The following TTC19 variants were observed in gnomAD, a reference collection of about 807,000 sequenced individuals.
The protein encoded by TTC19 is tetratricopeptide repeat domain 19.
A neutral mutation model predicts 49.5 loss-of-function variants in TTC19; 38 were observed. That is an observed-to-expected ratio of 0.77 (90% CI 0.59 to 1.01). TTC19 has a LOEUF of 1.01. TTC19 is among the 50% of genes least tolerant of loss of function. The pLI is 0.00. For synonymous variants in TTC19, 204 were observed against 185.2 expected (o/e 1.10, Z -0.83); for missense variants, 475 against 477.7 (o/e 0.99, Z 0.05).
intron 9 of TTC19, 101 bp from the exon 10 acceptor site, chr17:16,027,273 A>C: frequency 1.4e-6 from 2 of 1,385,368 alleles, no homozygotes; most frequent in South Asian, 2.4e-5. Context: ...TCATAAGCAC[A>C]CAGTAAATTA....
downstream of TTC19, among the ~76,000 whole-genome samples, chr17:16,032,863 C>T (rs929863434): frequency 1.1e-4 from 17 of 152,138 alleles, no homozygotes; most frequent in African/African-American, 2.9e-4. Context: ...AGTTCTCAGA[C>T]GACAATGGAC....
rs568834967 is a variant in TTC19 at position 16,017,535 on chromosome 17, G to T, written c.677-7482G>T. ...AGCACTTTGGGAGGCTGAGGCAGGTGGATCGCCTGAGGTCAGGAGTTCAAG... is the reference window on the plus strand; with the variant it reads ...AGCACTTTGGGAGGCTGAGGCAGGTTGATCGCCTGAGGTCAGGAGTTCAAG... On this transcript the variant is annotated intron_variant, in intron 7 of 9. Transcript: ENST00000261647. 2.0e-3 allele frequency among the ~76,000 whole-genome samples: 305 copies of T among 151,782 alleles called. 3 individuals carry two copies. The highest frequency in any genetic ancestry group is 7.0e-3 in the African/African-American group (290 of 41,348).
rs555489620 is a variant in TTC19 at position 16,035,316 on chromosome 17, C to G, written c.247+8614C>G. 1.8e-3 allele frequency among the ~76,000 whole-genome samples: 270 copies of G among 152,240 alleles called. No homozygotes were observed. The South Asian group carries it at 0.019, about 11-fold the overall frequency. On this transcript the variant is annotated intron_variant, in intron 2 of 2. Coordinates refer to the TTC19 transcript ENST00000470649. Reference sequence around the variant, plus strand: ...TCAAAATTGGAGTTGATCCCTCAAACCCTTCTTTATTAACTGGGTTTATGT... The same window carrying G: ...TCAAAATTGGAGTTGATCCCTCAAAGCCTTCTTTATTAACTGGGTTTATGT...
At position 16,026,654 on chromosome 17, in the gene TTC19, G is replaced by T; in HGVS notation, c.946G>T (p.Glu316Ter). The change falls in exon 9 of 10, where the codon GAG becomes TAG. Residue 316 changes from glutamate to a stop codon, truncating the protein, a stop_gained. Coordinates refer to ENST00000261647, the MANE Select transcript of TTC19 (RefSeq NM_017775.4). LOFTEE classifies it high-confidence loss of function. Reference sequence around the variant, plus strand: ...TCTGGCAAGACAGATAAATCATCCTGAGCTACACATGGTACTCAGTAATCT... The same window carrying T: ...TCTGGCAAGACAGATAAATCATCCTTAGCTACACATGGTACTCAGTAATCT... ...SDLARQINHP[E>*]LHMVLSNLAA... 1 of 1,614,144 alleles carries T rather than the reference G, an allele frequency of 6.2e-7. No homozygotes were observed. Among genetic ancestry groups the T allele is most frequent in the Non-Finnish European group, 8.5e-7 (1 of 1,180,016 alleles).
chr17:16,033,948 A>C (rs1177128646), downstream of TTC19, among the ~76,000 whole-genome samples: 1 of 152,082 alleles, frequency 6.6e-6, no homozygotes, highest in East Asian at 1.9e-4. Context: ...TGCCCGCCTC[A>C]GCCTCCCAAA....
rs1971682137 is a variant in TTC19 at position 16,028,715 on chromosome 17, A to G, written c.*1193A>G. ...TGGGGGTGGGATGTGAGTGGGACTG[A>G]TAAACTGATACTTTTGGTTCGTATG... On this transcript the variant is annotated 3_prime_UTR_variant, in exon 10 of 10. Transcript: ENST00000261647. 2.2e-6 allele frequency: 1 copy of G among 451,146 alleles called. No homozygotes were observed. The allele number at this position is 451,146 out of a possible 1,614,324, so 27.9% of individuals were successfully genotyped here. A position where few individuals can be genotyped will look rare whatever the true frequency, so the allele number is the denominator to read the frequency against.
intron 2 of TTC19, among the ~76,000 whole-genome samples, chr17:16,035,313 A>C (rs1974093973): frequency 6.6e-6 from 1 of 152,174 alleles, no homozygotes; most frequent in African/African-American, 2.4e-5. Context: ...TTGATCCCTC[A>C]AACCCTTCTT....
chr17:16,003,992 G>A (rs1228661166), intron 5 of TTC19, 105 bp downstream of exon 5: 8 of 1,307,356 alleles, frequency 6.1e-6, no homozygotes, highest in South Asian at 1.2e-5. Flanking sequence ...GTCAGGAAAG[G>A]TGGAGTTTCC....
chr17:16,017,686 G>A (rs1430195467), intron 7 of TTC19, among the ~76,000 whole-genome samples: 1 of 149,990 alleles, frequency 6.7e-6, no homozygotes, highest in Non-Finnish European at 1.5e-5. Flanking sequence ...GCATGAACCT[G>A]GGAGGCGGAG....
At chr17:16,038,055 AAG>A (rs2056778367) in intron 2 of TTC19, among the ~76,000 whole-genome samples, 1 of 152,210 alleles carries the variant, frequency 6.6e-6, no homozygotes, top group African/African-American at 2.4e-5. Flanking sequence ...GAAGGTCTTA[AAG>A]TTAACATGTA....
At chr17:16,030,770 A>C (rs986066280), downstream of TTC19, 1 of 180,644 alleles carries the variant, frequency 5.5e-6, no homozygotes, top group Non-Finnish European at 1.2e-5. Context: ...CAAAGTACTA[A>C]ACCTGTGTCT....
At chr17:16,025,776 A>G (rs1971535099) in intron 8 of TTC19, among the ~76,000 whole-genome samples, 1 of 152,250 alleles carries the variant, frequency 6.6e-6, no homozygotes, top group Admixed American at 6.5e-5. Flanking sequence ...TACTGCCAAT[A>G]TAAGACATAA....
chr17:16,010,517 C>G (rs1407626694), intron 7 of TTC19, among the ~76,000 whole-genome samples: 1 of 150,820 alleles, frequency 6.6e-6, no homozygotes, highest in African/African-American at 2.4e-5. Context: ...CTCTGTCGCC[C>G]AGGCTGGAGT....
chr17:16,040,646 G>T (rs915977101), intron 2 of TTC19: 3 of 760,464 alleles, frequency 3.9e-6, no homozygotes, highest in East Asian at 2.9e-5. Flanking sequence ...TAAAATGGAA[G>T]TATTTTTTTT....
intron 7 of TTC19, among the ~76,000 whole-genome samples, chr17:16,010,167 ATTTTTTTTTTTT>A (rs1201745186): frequency 5.5e-5 from 6 of 108,208 alleles, no homozygotes; most frequent in East Asian, 2.6e-4. Flanking sequence ...TTAATTTTTA[ATTTTTTTTTTTT>A]TTTTTTTTTT....
intron 2 of TTC19, chr17:16,000,482 C>G: frequency 8.2e-7 from 1 of 1,218,682 alleles, no homozygotes; most frequent in East Asian, 3.0e-5. Context: ...GAGATGGCGC[C>G]CTAGGCATCA....
rs1261628075 is a variant in TTC19 at position 16,028,239 on chromosome 17, C to G, written c.*717C>G. 6.6e-6 allele frequency: 3 copies of G among 453,982 alleles called. No individual in the cohort carries two copies. Among genetic ancestry groups the G allele is most frequent in the Non-Finnish European group, 1.3e-5 (3 of 226,792 alleles). 28.1% of individuals were successfully genotyped at this position (453,982 alleles called of 1,614,324 possible). A position where few individuals can be genotyped will look rare whatever the true frequency, so the allele number is the denominator to read the frequency against. Reference sequence around the variant, plus strand: ...CTTTTGTCTGTGTTATCTGAACACTCTACTTCCTTTGCAGCCTTAGTCACA... The same window carrying G: ...CTTTTGTCTGTGTTATCTGAACACTGTACTTCCTTTGCAGCCTTAGTCACA... On this transcript the variant is annotated 3_prime_UTR_variant, in exon 10 of 10. Transcript: ENST00000261647.
At chr17:16,025,847 G>C (rs2151683217) in intron 8 of TTC19, among the ~76,000 whole-genome samples, 1 of 152,238 alleles carries the variant, frequency 6.6e-6, no homozygotes, top group South Asian at 2.1e-4. Flanking sequence ...AATATGTTTT[G>C]GAAGAAAAGG....
chr17:16,036,895 A>G (rs2056500332), intron 2 of TTC19, among the ~76,000 whole-genome samples: 1 of 152,214 alleles, frequency 6.6e-6, no homozygotes, highest in African/African-American at 2.4e-5. Flanking sequence ...ATTTCCTTCA[A>G]AAACTTTTCC....
Sources: allele counts gnomAD v4.1 joint callset (sites outside exome capture counted in the v4.1 genomes callset), GRCh38; gene constraint gnomAD v4.1.1; transcripts MANE v1.5; gene names NCBI Gene and HGNC (gene_info 2026-07-23, HGNC 2026-07-21).